MMP26: variants seen among roughly 807,000 people sequenced by gnomAD.
The protein encoded by MMP26 is matrix metallopeptidase 26.
A neutral mutation model predicts 31.0 loss-of-function variants in MMP26; 33 were observed. The observed-to-expected ratio is 1.06, with a 90% CI of 0.81 to 1.42. The LOEUF is 1.42. Among genes scored for constraint, MMP26 ranks in the 40% most tolerant of loss-of-function variants. The pLI is 0.00. For synonymous variants in MMP26, 122 were observed against 114.9 expected (o/e 1.06, Z -0.40); for missense variants, 347 against 316.1 (o/e 1.10, Z -0.74).
intron 2 of MMP26, among the ~76,000 whole-genome samples, chr11:4,961,314 A>G (rs1016982729): frequency 2.0e-5 from 3 of 152,318 alleles, no homozygotes; most frequent in Middle Eastern, 3.4e-3. Flanking sequence ...GTAAAAGACT[A>G]ATTTGGCTTC....
intron 2 of MMP26, among the ~76,000 whole-genome samples, chr11:4,937,202 G>A (rs1295910619): frequency 1.3e-5 from 2 of 152,126 alleles, no homozygotes; most frequent in South Asian, 2.1e-4. Context: ...AGGGCACTTA[G>A]GGTACTGAAT....
Position 4,915,755 on chromosome 11 carries a change from G to GA in MMP26, c.-144-72305dup, listed in dbSNP as rs111557850. 5,117 of 785,670 alleles carry GA rather than the reference G, an allele frequency of 6.5e-3. 186 individuals carry two copies. In the African/African-American group the frequency reaches 0.08, roughly 12 times the overall value. The allele number at this position is 785,670 out of a possible 1,614,324, so 48.7% of individuals were successfully genotyped here. ...GTGATTGCACCTGGTGGAAATTAAA[G>GA]AAAAAAAATAGAATCAAATATACCT... On this transcript the variant is annotated intron_variant, in intron 2 of 7. Transcript: ENST00000380390.
rs1425212435 is a variant in MMP26, at chr11:4,950,721, T to C, written c.-144-37347T>C. ...TTATATATATCTGACAAATGATATG[T>C]AAAGAACTGCAAATGAATAAGTAAA... On this transcript the variant is annotated intron_variant, in intron 2 of 7. Coordinates refer to ENST00000380390, the MANE Select transcript of MMP26 (RefSeq NM_021801.5). Among the ~76,000 whole-genome samples the C allele has an allele frequency of 1.6e-5, 2 of 123,268 alleles. 1 individual carries two copies. The highest frequency in any genetic ancestry group is 1.8e-4 in the Admixed American group (2 of 10,950). 80.9% of individuals were successfully genotyped at this position (123,268 alleles called of 152,430 possible). A position where few individuals can be genotyped will look rare whatever the true frequency, so the allele number is the denominator to read the frequency against.
intron 2 of MMP26, among the ~76,000 whole-genome samples, chr11:4,777,718 A>G (rs1594814): frequency 0.095 from 14,420 of 152,080 alleles, 849 homozygotes; most frequent in Middle Eastern, 0.15. Context: ...TCAGTGCTGT[A>G]TTTATATTAA....
At chr11:4,731,852 A>T (rs770646565) in intron 1 of MMP26, among the ~76,000 whole-genome samples, 11 of 152,124 alleles carry the variant, frequency 7.2e-5, no homozygotes, top group Non-Finnish European at 1.3e-4. Context: ...TTCACTATGG[A>T]TGGATTTCCT....
chr11:4,786,172 C>T (rs965979594), intron 2 of MMP26, among the ~76,000 whole-genome samples: 4 of 152,224 alleles, frequency 2.6e-5, no homozygotes, highest in African/African-American at 9.6e-5. Context: ...GGAGCTGCTG[C>T]AGATCCAGAC....
At chr11:4,789,512 G>A (rs1249502666) in intron 2 of MMP26, among the ~76,000 whole-genome samples, 1 of 139,658 alleles carries the variant, frequency 7.2e-6, no homozygotes, top group Non-Finnish European at 1.5e-5. Context: ...ATTTCCTGAA[G>A]GTAAAGATAT....
rs142653646 is a variant in MMP26 at position 4,779,077 on chromosome 11, C to G, written c.-145+11736C>G. ...ATAATTTAAGTTTTATTTTCTTTTCCTTTACTCTGCTGAGGTATTTTACTT... is the reference window on the plus strand; with the variant it reads ...ATAATTTAAGTTTTATTTTCTTTTCGTTTACTCTGCTGAGGTATTTTACTT... On this transcript the variant is annotated intron_variant, in intron 2 of 7. Coordinates refer to ENST00000380390, the MANE Select transcript of MMP26 (RefSeq NM_021801.5). Among the ~76,000 whole-genome samples, 16 of 151,936 alleles carry G rather than the reference C, an allele frequency of 1.1e-4. No homozygotes were observed. In the East Asian group the frequency reaches 3.1e-3, roughly 29 times the overall value.
chr11:4,968,649 G>A (rs9651650), intron 2 of MMP26, among the ~76,000 whole-genome samples: 14,346 of 151,772 alleles, frequency 0.095, 812 homozygotes, highest in Middle Eastern at 0.25. Flanking sequence ...TACTAAAAAG[G>A]TATAGAAAAA....
chr11:4,897,216 T>C (rs1589932235), intron 2 of MMP26, among the ~76,000 whole-genome samples: 1 of 152,126 alleles, frequency 6.6e-6, no homozygotes, highest in South Asian at 2.1e-4. Context: ...CTCGGCTCAC[T>C]GCAACCTCCA....
intron 2 of MMP26, among the ~76,000 whole-genome samples, chr11:4,885,563 G>T (rs1850535948): frequency 6.6e-6 from 1 of 152,080 alleles, no homozygotes; most frequent in Non-Finnish European, 1.5e-5. Flanking sequence ...TCATAGGTAT[G>T]TAGTAGGCTA....
At chr11:4,723,144 C>T in intron 1 of MMP26, 3 of 1,599,424 alleles carry the variant, frequency 1.9e-6, no homozygotes, top group South Asian at 1.1e-5. Context: ...GAGTTGGCAT[C>T]CTTAATGGCC....
chr11:4,752,499 A>T (rs1052772588), intron 1 of MMP26: 3 of 152,302 alleles, frequency 2.0e-5, no homozygotes, highest in Admixed American at 1.3e-4. Context: ...AAGAAGTAGG[A>T]TTAGTGGTGT....
intron 2 of MMP26, among the ~76,000 whole-genome samples, chr11:4,870,100 A>G (rs556391738): frequency 5.5e-4 from 84 of 152,244 alleles, no homozygotes; most frequent in African/African-American, 1.9e-3. Flanking sequence ...GAGGGATAGC[A>G]TTAGGAGATA....
chr11:4,866,050 GT>G lies in MMP26; in HGVS notation c.-145+98712del, dbSNP rs556942376. Among the ~76,000 whole-genome samples the G allele has an allele frequency of 3.2e-3, 488 of 152,204 alleles. 3 individuals carry two copies. The Middle Eastern group carries it at 0.037, about 12-fold the overall frequency. On this transcript the variant is annotated intron_variant, in intron 2 of 7. Transcript: ENST00000380390. ...ACCACTCAAATCAATCAGTGAAAATGTTTCTGACTCAAGGGATTTAACAGCT... is the reference window on the plus strand; with the variant it reads ...ACCACTCAAATCAATCAGTGAAAATGTTCTGACTCAAGGGATTTAACAGCT...
intron 2 of MMP26, among the ~76,000 whole-genome samples, chr11:4,965,818 T>G (rs1410442888): frequency 6.6e-6 from 1 of 152,210 alleles, no homozygotes; most frequent in East Asian, 1.9e-4. Context: ...TGGACTTTCT[T>G]CTACTGTGGA....
At chr11:4,751,204 G>A (rs1390627819) in intron 1 of MMP26, among the ~76,000 whole-genome samples, 1 of 152,102 alleles carries the variant, frequency 6.6e-6, no homozygotes, top group Non-Finnish European at 1.5e-5. Context: ...CTATCAATAA[G>A]TATCTACTAT....
intron 2 of MMP26, among the ~76,000 whole-genome samples, chr11:4,929,672 G>T (rs1407163273): frequency 6.6e-6 from 1 of 152,066 alleles, no homozygotes; most frequent in African/African-American, 2.4e-5. Flanking sequence ...TGTGAGGTTG[G>T]CTCCAGTAGC....
chr11:4,986,936 T>TCTCTCC (rs1846904240), intron 2 of MMP26, among the ~76,000 whole-genome samples: 28 of 113,156 alleles, frequency 2.5e-4, no homozygotes, highest in African/African-American at 7.4e-4. Context: ...TCTCTCCCTC[T>TCTCTCC]CTCTCTCTCT....
Sources: gnomAD v4.1 joint callset for allele counts (sites outside exome capture counted in the v4.1 genomes callset) on GRCh38, gnomAD v4.1.1 for gene constraint, MANE v1.5 for transcripts, NCBI Gene and HGNC (gene_info 2026-07-23, HGNC 2026-07-21) for gene names.